Variants in SORBS2 observed in about 807,000 individuals in gnomAD.
The protein encoded by SORBS2 is sorbin and SH3 domain-containing protein 2.
In SORBS2, 46 loss-of-function variants were observed where a neutral mutation model predicts 97.7. The observed-to-expected ratio is 0.47, with a 90% confidence interval of 0.37 to 0.60. The LOEUF is 0.60. SORBS2 is among the 20% of genes least tolerant of loss of function. The probability of loss-of-function intolerance (pLI) is 0.00; values close to 1 mark genes in which losing one functional copy is unlikely to be tolerated. For synonymous variants in SORBS2, 476 were observed against 473.4 expected (o/e 1.01, Z -0.07); for missense variants, 1,316 against 1,282.3 (o/e 1.03, Z -0.40).
chr4:185,811,439 A>T (rs1244895281), intron 1 of SORBS2, among the ~76,000 whole-genome samples: 1 of 152,146 alleles, frequency 6.6e-6, no homozygotes, highest in Non-Finnish European at 1.5e-5. Context: ...ACCCCAAAGC[A>T]TATCGGTCAT....
chr4:185,911,836 C>T (rs767956050), intron 1 of SORBS2, among the ~76,000 whole-genome samples: 4 of 152,174 alleles, frequency 2.6e-5, no homozygotes, highest in African/African-American at 4.8e-5. Context: ...CTCTTATTGA[C>T]ACATTATTAG....
intron 4 of SORBS2, among the ~76,000 whole-genome samples, chr4:185,665,444 C>T (rs1165253233): frequency 2.0e-5 from 3 of 152,122 alleles, no homozygotes; most frequent in Non-Finnish European, 2.9e-5. Flanking sequence ...GTATACTTAG[C>T]TAATAAGGCA....
intron 2 of SORBS2, among the ~76,000 whole-genome samples, chr4:185,651,439 C>A (rs1004512432): frequency 2.0e-5 from 3 of 152,304 alleles, no homozygotes; most frequent in Middle Eastern, 6.8e-3. Flanking sequence ...AGATCTTACA[C>A]AATTGTAATC....
rs1307795398 is a variant in SORBS2 at position 185,623,048 on chromosome 4, A to G, written c.2081T>C (p.Leu694Pro). The G allele has an allele frequency of 1.9e-6, 3 of 1,614,014 alleles. No individual in the cohort carries two copies. The highest frequency in any genetic ancestry group is 2.7e-5 in the African/African-American group (2 of 74,920). The change falls in exon 7 of 15, where the codon CTG becomes CCG. Residue 694 changes from leucine (L) to proline (P), a missense_variant. Coordinates refer to ENST00000418609, the Ensembl canonical transcript of SORBS2. The surrounding 1 kb of genome is among the most constrained non-coding windows in gnomAD (Gnocchi z 6.4). ...ACAATGAATAGCACCATCGGGAGGC[A>G]GTGGGTGGAGAGGCTGGTGCAGGGG...
rs777686554 is a variant in SORBS2, at chr4:185,741,435, G to A, written c.-198+33792C>T. Among the ~76,000 whole-genome samples, 87 of 114,344 alleles carry A rather than the reference G, an allele frequency of 7.6e-4. 1 individual carries two copies. Among genetic ancestry groups the A allele is most frequent in the Admixed American group, 1.6e-3 (12 of 7,734 alleles). 75.0% of individuals were successfully genotyped at this position (114,344 alleles called of 152,430 possible). ...TTTTTTTTTTTTGAGGGGGAGTCTC[G>A]CTCTGTCGCCCAGGCTGAAGTGCAG... is the stretch of plus-strand genomic sequence containing the variant. On this transcript the variant is annotated intron_variant, in intron 2 of 20. Coordinates refer to the SORBS2 transcript ENST00000284776.
At chr4:185,805,432 GCAAATA>G (rs987663737) in intron 1 of SORBS2, among the ~76,000 whole-genome samples, 19 of 152,284 alleles carry the variant, frequency 1.2e-4, no homozygotes, top group African/African-American at 4.1e-4. Context: ...CATTCATTCA[GCAAATA>G]CTGACTGAAT....
In SORBS2 at chr4:185,638,065, C is replaced by T; in HGVS notation, c.397-7467G>A. The T allele has an allele frequency of 3.4e-6, 5 of 1,479,110 alleles. No individual in the cohort carries two copies. Among genetic ancestry groups the T allele is most frequent in the Non-Finnish European group, 4.7e-6 (5 of 1,057,128 alleles). The allele number at this position is 1,479,110 out of a possible 1,614,324, so 91.6% of individuals were successfully genotyped here. On this transcript the variant is annotated intron_variant, in intron 4 of 14. Transcript: ENST00000418609. ...CTCCTAGTTTTCTTATATTAATAGT[C>T]TAGCCTCACTTACCGGGCGTCCAAA...
chr4:185,667,605 T>A (rs6813037), intron 4 of SORBS2, among the ~76,000 whole-genome samples: 139,188 of 150,742 alleles, frequency 0.92, 64,706 homozygotes, highest in Non-Finnish European at 0.98. Context: ...AACCCCAACC[T>A]TGGATAAAAA....
rs972613649 is a variant in SORBS2 at position 185,598,450 on chromosome 4, G to A, written c.2797-4515C>T. On this transcript the variant is annotated intron_variant, in intron 12 of 14. Coordinates refer to ENST00000418609, the Ensembl canonical transcript of SORBS2. ...GGAAGCTGGTTTGAAACATCATGGA[G>A]TCTGTAACATCAGTAAAATATATAC... Among the ~76,000 whole-genome samples, 4 of 152,172 alleles carry A rather than the reference G, an allele frequency of 2.6e-5. No homozygotes were observed. The South Asian group carries it at 6.2e-4, about 24-fold the overall frequency.
chr4:185,934,656 C>G, intron 1 of SORBS2, among the ~76,000 whole-genome samples: 1 of 151,838 alleles, frequency 6.6e-6, no homozygotes. Context: ...TGGTGGCGGG[C>G]CCCTGTAATT....
intron 1 of SORBS2, among the ~76,000 whole-genome samples, chr4:185,790,541 G>A (rs1244632652): frequency 1.3e-5 from 2 of 152,094 alleles, no homozygotes; most frequent in African/African-American, 4.8e-5. Flanking sequence ...GGAGCTGGGC[G>A]ACTCTACAGT....
intron 2 of SORBS2, among the ~76,000 whole-genome samples, chr4:185,752,314 CG>C (rs1486974166): frequency 7.9e-5 from 12 of 152,214 alleles, no homozygotes; most frequent in African/African-American, 2.4e-4. Context: ...CTCGCTCTGT[CG>C]CCCAGGCTGG....
chr4:185,811,192 A>T (rs1261959855), intron 1 of SORBS2: 1 of 152,214 alleles, frequency 6.6e-6, no homozygotes, highest in African/African-American at 2.4e-5. Flanking sequence ...CCACATAGAG[A>T]ACAGAATTCT....
intron 1 of SORBS2, among the ~76,000 whole-genome samples, chr4:185,874,866 T>TTTTTTTTTTTTTTTTTTTTTTTTTGC (rs775209042): frequency 3.1e-4 from 35 of 113,472 alleles, no homozygotes; most frequent in African/African-American, 7.9e-4. Context: ...TGATTTTTTT[T>TTTTTTTTTTTTTTTTTTTTTTTTTGC]TTTTTTGCAT....
chr4:185,645,513 G>A (rs2097193674), intron 4 of SORBS2: 1 of 152,128 alleles, frequency 6.6e-6, no homozygotes, highest in South Asian at 2.1e-4. Flanking sequence ...CTGATGATAA[G>A]GTTTTGAACA....
intron 2 of SORBS2, among the ~76,000 whole-genome samples, chr4:185,762,466 C>T (rs1263137869): frequency 6.6e-6 from 1 of 151,498 alleles, no homozygotes; most frequent in East Asian, 1.9e-4. Flanking sequence ...AGGGACAGAA[C>T]CCAAGGGAGT....
At chr4:185,824,405 T>C (rs1187290516) in intron 1 of SORBS2, among the ~76,000 whole-genome samples, 1 of 152,208 alleles carries the variant, frequency 6.6e-6, no homozygotes, top group Non-Finnish European at 1.5e-5. Context: ...TGACCCCATC[T>C]TGCCTTGTTA....
chr4:185,898,132 C>G (rs541232489), intron 1 of SORBS2, among the ~76,000 whole-genome samples: 1 of 152,304 alleles, frequency 6.6e-6, no homozygotes, highest in South Asian at 2.1e-4. Context: ...TTTTTGACGT[C>G]TAAATAAACT....
At chr4:185,931,668 T>C (rs4862598) in intron 1 of SORBS2, among the ~76,000 whole-genome samples, 116,758 of 151,968 alleles carry the variant, frequency 0.77, 44,929 homozygotes, top group Middle Eastern at 0.86. Context: ...GGGACTTTCA[T>C]TAAACTGACG....
Sources: gnomAD v4.1 joint callset for allele counts (sites outside exome capture counted in the v4.1 genomes callset) on GRCh38, gnomAD v4.1.1 for gene constraint, Gnocchi (gnomAD v3.1) non-coding constraint, MANE v1.5 for transcripts, NCBI Gene and HGNC (gene_info 2026-07-23, HGNC 2026-07-21) for gene names.